SASH1: variants seen among roughly 807,000 people sequenced by gnomAD.
The protein encoded by SASH1 is SAM and SH3 domain-containing protein 1.
SASH1 carries 44 observed loss-of-function variants against 125.2 expected under a neutral mutation model. The observed-to-expected ratio is 0.35, with a 90% CI of 0.28 to 0.45. SASH1 has a LOEUF of 0.45. SASH1 is among the 20% of genes least tolerant of loss of function. The pLI, the probability that SASH1 is intolerant of heterozygous loss-of-function variation, is 1.00. For synonymous variants in SASH1, 639 were observed against 649.1 expected (o/e 0.98, Z 0.24); for missense variants, 1,426 against 1,614.5 (o/e 0.88, Z 2.00).
intron 12 of SASH1, among the ~76,000 whole-genome samples, chr6:148,530,349 A>G (rs567946201): frequency 1.4e-4 from 22 of 152,288 alleles, no homozygotes; most frequent in African/African-American, 5.3e-4. Context: ...AGAAGATTTT[A>G]ATGGGAAAAA....
intron 1 of SASH1, among the ~76,000 whole-genome samples, chr6:148,291,306 G>C (rs1323654679): frequency 6.6e-6 from 1 of 152,188 alleles, no homozygotes; most frequent in Non-Finnish European, 1.5e-5. Flanking sequence ...TGGTTTGCAG[G>C]TATTGAAATA....
rs187577179 is a variant in SASH1 at position 148,307,314 on chromosome 6, C to T, written n.74+34937C>T. 1.0e-3 allele frequency among the ~76,000 whole-genome samples: 158 copies of T among 151,812 alleles called. 1 individual carries two copies. The highest frequency in any genetic ancestry group is 9.7e-4 in the East Asian group (5 of 5,144). Reference sequence around the variant, plus strand: ...TGTATTTTTAGTGGAGACAGGGTTTCGCCATGTTGGTCAGGCTGGTCTCAA... The same window carrying T: ...TGTATTTTTAGTGGAGACAGGGTTTTGCCATGTTGGTCAGGCTGGTCTCAA... On this transcript the variant is annotated intron_variant and non_coding_transcript_variant, in intron 1 of 3. Coordinates refer to the SASH1 transcript ENST00000367469.
chr6:148,519,075 A>G lies in SASH1; in HGVS notation c.863-472A>G, dbSNP rs954133881. On this transcript the variant is annotated intron_variant, in intron 9 of 19. Coordinates refer to ENST00000367467, the MANE Select transcript of SASH1 (RefSeq NM_015278.5). This position sits in a 1 kb window ranked among gnomAD's most constrained non-coding sequence, Gnocchi z 4.8. ...TTGGAGATTTAGTCACTCAAATGGC[A>G]TATGTACCAATAAAACAATCACTGT... is the stretch of plus-strand genomic sequence containing the variant. Among the ~76,000 whole-genome samples the G allele has an allele frequency of 2.0e-5, 3 of 152,212 alleles. No individual in the cohort carries two copies. The highest frequency in any genetic ancestry group is 7.2e-5 in the African/African-American group (3 of 41,454).
the SASH1 span, among the ~76,000 whole-genome samples, chr6:148,204,507 TG>T: frequency 2.6e-5 from 4 of 151,980 alleles, no homozygotes; most frequent in African/African-American, 9.7e-5. Context: ...GCCTGGCCAA[TG>T]TAGTGAAACC....
chr6:148,402,615 GACA>G (rs1784214741), intron 2 of SASH1, among the ~76,000 whole-genome samples: 1 of 117,496 alleles, frequency 8.5e-6, no homozygotes, highest in Non-Finnish European at 1.7e-5. Flanking sequence ...GGCCAAAAAT[GACA>G]TTTTTTTTTT....
chr6:148,544,646 C>G lies in SASH1; in HGVS notation c.3176C>G (p.Pro1059Arg), dbSNP rs761671851. 5.0e-6 allele frequency: 8 copies of G among 1,613,380 alleles called. No individual in the cohort carries two copies. Among genetic ancestry groups the G allele is most frequent in the South Asian group, 1.1e-5 (1 of 91,024 alleles). Residue 1059 changes from proline (P) to arginine (R), a missense_variant, in exon 18 of 20, where the codon CCC (proline) becomes CGC (arginine). Around this residue, in one of 3 missense-constraint regions of SASH1, gnomAD observed 634 missense variants for 694.4 expected, o/e 0.91. Transcript: ENST00000367467. This position sits in a 1 kb window ranked among gnomAD's most constrained non-coding sequence, Gnocchi z 6.4. The stretch of plus-strand genomic sequence containing the variant: ...AGCCCACCAAGCACAAGGCCGCCCC[C>G]CTGGCTCTCAGAGCTCCCCGAGAAC... ...PGSPPSTRPP[P>R]WLSELPENTS...
At chr6:148,241,728 G>A in the SASH1 span, among the ~76,000 whole-genome samples, 1 of 152,188 alleles carries the variant, frequency 6.6e-6, no homozygotes, top group Non-Finnish European at 1.5e-5. Flanking sequence ...TCAAATCTCT[G>A]TTCTGACATT....
At chr6:148,326,475 G>A (rs1198947852) in intron 1 of SASH1, among the ~76,000 whole-genome samples, 5 of 143,078 alleles carry the variant, frequency 3.5e-5, no homozygotes, top group African/African-American at 1.3e-4. Flanking sequence ...CGTGATCTCG[G>A]CTCACTGCAA....
chr6:148,249,149 AT>A, the SASH1 span, among the ~76,000 whole-genome samples: 2 of 152,254 alleles, frequency 1.3e-5, no homozygotes, highest in Non-Finnish European at 2.9e-5. Flanking sequence ...AGGCTCACAG[AT>A]TAAAAAAATA....
In SASH1 at chr6:148,533,916, G is replaced by T; in HGVS notation, c.1880G>T (p.Arg627Leu). 6.2e-7 allele frequency: 1 copy of T among 1,613,982 alleles called. No homozygotes were observed. Among genetic ancestry groups the T allele is most frequent in the Non-Finnish European group, 8.5e-7 (1 of 1,179,930 alleles). ...EEKPKRPTRR[R>L]RKGRPPQPKS... is the part of the protein sequence containing the mutation. The stretch of plus-strand genomic sequence containing the variant: ...AAACCCAAACGCCCCACCAGGAGGC[G>T]TCGGAAAGGACGACCACCCCAGCCC... Residue 627 changes from arginine to leucine, a missense_variant, in exon 15 of 20, where the codon CGT becomes CTT. Coordinates refer to ENST00000367467, the MANE Select transcript of SASH1 (RefSeq NM_015278.5). The surrounding 1 kb of genome is among the most constrained non-coding windows in gnomAD (Gnocchi z 6.2).
intron 1 of SASH1, among the ~76,000 whole-genome samples, chr6:148,282,055 T>C (rs188292838): frequency 6.6e-6 from 1 of 152,360 alleles, no homozygotes; most frequent in African/African-American, 2.4e-5. Context: ...ATAACTGTCA[T>C]GGCCATGGAG....
rs1313478752 is a variant in SASH1 at position 148,526,886 on chromosome 6, C to A, written c.1285-567C>A. Among the ~76,000 whole-genome samples the A allele has an allele frequency of 3.3e-4, 7 of 21,452 alleles. No individual in the cohort carries two copies. In the South Asian group the frequency reaches 5.9e-3, roughly 18 times the overall value. 14.1% of individuals were successfully genotyped at this position (21,452 alleles called of 152,430 possible). Reference sequence around the variant, plus strand: ...AAATCACTTTTTTTTTTTTTTTTTCCCTCTGAGAGGGAGTCTCACTCTGTC... The same window carrying A: ...AAATCACTTTTTTTTTTTTTTTTTCACTCTGAGAGGGAGTCTCACTCTGTC... On this transcript the variant is annotated intron_variant, in intron 11 of 19. Coordinates refer to ENST00000367467, the MANE Select transcript of SASH1 (RefSeq NM_015278.5).
intron 1 of SASH1, among the ~76,000 whole-genome samples, chr6:148,384,526 C>T (rs777224970): frequency 2.5e-4 from 38 of 152,078 alleles, no homozygotes; most frequent in Non-Finnish European, 4.0e-4. Flanking sequence ...TTGAGTCAGA[C>T]GTAGATTTTG....
chr6:148,273,011 G>C (rs1779100825), intron 1 of SASH1, among the ~76,000 whole-genome samples: 1 of 152,088 alleles, frequency 6.6e-6, no homozygotes, highest in Non-Finnish European at 1.5e-5. Flanking sequence ...TATAATCCCA[G>C]AACTTTGAGA....
At chr6:148,246,857 T>A in the SASH1 span, among the ~76,000 whole-genome samples, 2 of 152,344 alleles carry the variant, frequency 1.3e-5, no homozygotes, top group East Asian at 3.9e-4. Context: ...TATCACACAC[T>A]TTTTGTTTCC....
chr6:148,309,816 C>T (rs1225686585), intron 1 of SASH1, among the ~76,000 whole-genome samples: 1 of 152,070 alleles, frequency 6.6e-6, no homozygotes, highest in Non-Finnish European at 1.5e-5. Flanking sequence ...ACAAGGGTAT[C>T]ATTCATTTCT....
chr6:148,546,052 G>C lies in SASH1; in HGVS notation c.3386G>C (p.Arg1129Thr). The C allele has an allele frequency of 3.7e-6, 6 of 1,614,248 alleles. No homozygotes were observed. The highest frequency in any genetic ancestry group is 5.1e-6 in the Non-Finnish European group (6 of 1,180,044). Residue 1129 changes from arginine (R) to threonine (T), a missense_variant, in exon 19 of 20, where the codon AGA becomes ACA. Coordinates refer to ENST00000367467, the MANE Select transcript of SASH1 (RefSeq NM_015278.5). ...RCGIPEALVQ[R>T]YAEDLDQPER... Reference sequence around the variant, plus strand: ...GGGATTCCTGAAGCCCTGGTGCAGAGATACGCAGAGGACTTGGATCAGCCC... The same window carrying C: ...GGGATTCCTGAAGCCCTGGTGCAGACATACGCAGAGGACTTGGATCAGCCC...
chr6:148,350,264 G>A (rs1781681910), intron 1 of SASH1, among the ~76,000 whole-genome samples: 2 of 152,154 alleles, frequency 1.3e-5, no homozygotes, highest in African/African-American at 4.8e-5. Flanking sequence ...ACCAGCCTGG[G>A]TAACATAGCG....
chr6:148,303,288 A>G (rs1780025100), intron 1 of SASH1, among the ~76,000 whole-genome samples: 1 of 152,056 alleles, frequency 6.6e-6, no homozygotes, highest in Admixed American at 6.6e-5. Context: ...CCTAAAATTG[A>G]TTTAAAAATA....
Sources: gnomAD v4.1 joint callset for allele counts (sites outside exome capture counted in the v4.1 genomes callset) on GRCh38, gnomAD v4.1.1 for gene constraint, gnomAD v4.1.1 regional missense constraint, Gnocchi (gnomAD v3.1) non-coding constraint, MANE v1.5 for transcripts, NCBI Gene and HGNC (gene_info 2026-07-23, HGNC 2026-07-21) for gene names.